The following PEMT variants were observed in gnomAD, a reference collection of about 807,000 sequenced individuals.
PEMT encodes phospholipid methyltransferase.
A neutral mutation model predicts 27.4 loss-of-function variants in PEMT; 23 were observed. That is an observed-to-expected ratio of 0.84 (90% CI 0.60 to 1.19). PEMT has a LOEUF of 1.19. Among genes scored for constraint, PEMT ranks in the 50% most tolerant of loss-of-function variants. PEMT has a pLI of 0.00. For missense variants in PEMT, 307 were observed against 310.1 expected, an observed-to-expected ratio of 0.99 and a Z score of 0.07; for synonymous variants, 137 against 139.1, an observed-to-expected ratio of 0.98 and a Z score of 0.11.
At chr17:17,545,936 C>T (rs980684091) in intron 2 of PEMT, among the ~76,000 whole-genome samples, 5 of 152,208 alleles carry the variant, frequency 3.3e-5, no homozygotes, top group Non-Finnish European at 5.9e-5. Context: ...CTTTCCTTGC[C>T]TGTCTCTTCC....
Position 17,505,761 on chromosome 17 carries a change from C to T in PEMT, c.*30G>A, listed in dbSNP as rs370372061. 9.4e-6 allele frequency: 15 copies of T among 1,595,660 alleles called. No homozygotes were observed. The African/African-American group carries it at 2.0e-4, about 21-fold the overall frequency. On this transcript the variant is annotated 3_prime_UTR_variant, in exon 7 of 7. Transcript: ENST00000255389. ...ACTTGGGGCAGGCCAGGAGGCTGGC[C>T]AGGCCTTCAGCAAAGCTGTTGCAGC...
At chr17:17,535,107 A>G (rs963875353) in intron 2 of PEMT, among the ~76,000 whole-genome samples, 1 of 151,532 alleles carries the variant, frequency 6.6e-6, no homozygotes, top group African/African-American at 2.4e-5. Flanking sequence ...GAGGGGTTTC[A>G]CCATGTTGGC....
intron 2 of PEMT, among the ~76,000 whole-genome samples, chr17:17,573,477 A>AG (rs914176834): frequency 1.3e-5 from 2 of 151,832 alleles, no homozygotes; most frequent in Non-Finnish European, 2.9e-5. Context: ...AAAAAAAAAA[A>AG]AAAAGAAAAA....
At chr17:17,508,804 C>T (rs529656292) in intron 5 of PEMT, 1 of 463,120 alleles carries the variant, frequency 2.2e-6, no homozygotes, top group Admixed American at 2.4e-5. Context: ...TGGCACGGGG[C>T]CCCCTCTGTG....
chr17:17,592,011 G>A (rs1415304805), upstream of PEMT: 20 of 985,358 alleles, frequency 2.0e-5, no homozygotes, highest in Non-Finnish European at 2.3e-5. Flanking sequence ...CTAGAGGCCG[G>A]GGGCCGCGGG....
intron 2 of PEMT, 44 bp downstream of exon 2, chr17:17,576,876 C>A (rs1911629187): frequency 2.0e-6 from 3 of 1,481,578 alleles, no homozygotes; most frequent in African/African-American, 1.4e-5. Flanking sequence ...GCTCACCAAG[C>A]AGTGAGATAC....
At chr17:17,543,674 T>C (rs1273228881) in intron 2 of PEMT, among the ~76,000 whole-genome samples, 1 of 152,196 alleles carries the variant, frequency 6.6e-6, no homozygotes, top group East Asian at 1.9e-4. Flanking sequence ...GTGATTCTCC[T>C]GCCTCAGCCT....
At chr17:17,552,951 C>CA (rs1909768941) in intron 2 of PEMT, among the ~76,000 whole-genome samples, 1 of 152,212 alleles carries the variant, frequency 6.6e-6, no homozygotes, top group Admixed American at 6.5e-5. Context: ...GAGGGCGGCC[C>CA]AGCGCCCCGT....
chr17:17,568,455 C>T (rs879517168), intron 2 of PEMT, among the ~76,000 whole-genome samples: 41 of 152,226 alleles, frequency 2.7e-4, no homozygotes, highest in African/African-American at 7.7e-4. Context: ...GGCAGGGTCC[C>T]GTCCCGGCAC....
rs1289162589 is a variant in PEMT, at chr17:17,515,368, G to A, written c.321-2714C>T. ...ATTCCTGATGAAGGGCAGATCCGGG[G>A]CCAGGGAGCGGGTGGGAGAGGCCCC... is the stretch of plus-strand genomic sequence containing the variant. On this transcript the variant is annotated intron_variant, in intron 3 of 6. Transcript: ENST00000255389. Among the ~76,000 whole-genome samples the A allele has an allele frequency of 3.3e-5, 5 of 152,222 alleles. No individual in the cohort carries two copies. In the East Asian group the frequency reaches 7.7e-4, roughly 23 times the overall value.
chr17:17,506,011 G>A (rs1055724163), intron 6 of PEMT, among the ~76,000 whole-genome samples, 163 bp from the exon 7 acceptor site: 1 of 152,164 alleles, frequency 6.6e-6, no homozygotes, highest in Non-Finnish European at 1.5e-5. Flanking sequence ...CCTTCAGAGC[G>A]CAGGCGGGAG....
chr17:17,532,962 G>C (rs1011860818), intron 2 of PEMT, among the ~76,000 whole-genome samples: 1 of 152,248 alleles, frequency 6.6e-6, no homozygotes, highest in Non-Finnish European at 1.5e-5. Flanking sequence ...GGGAGGCAGA[G>C]GTTGCAGTGA....
chr17:17,517,351 G>A (rs552391636), intron 3 of PEMT, among the ~76,000 whole-genome samples: 5 of 152,344 alleles, frequency 3.3e-5, no homozygotes, highest in South Asian at 2.1e-4. Flanking sequence ...TAAAAATTCT[G>A]GCCTGTTCTG....
intron 3 of PEMT, among the ~76,000 whole-genome samples, chr17:17,520,643 C>G (rs1006695985): frequency 6.6e-6 from 1 of 152,226 alleles, no homozygotes; most frequent in Non-Finnish European, 1.5e-5. Flanking sequence ...CCTTGCCCTC[C>G]GAGGGGTGAA....
chr17:17,510,542 A>G (rs1312722763), intron 4 of PEMT, among the ~76,000 whole-genome samples: 2 of 152,252 alleles, frequency 1.3e-5, no homozygotes, highest in Middle Eastern at 3.4e-3. Context: ...GGACCACTGG[A>G]AAGTTCTTTC....
chr17:17,518,679 C>T (rs900217415), intron 3 of PEMT, among the ~76,000 whole-genome samples: 2 of 152,226 alleles, frequency 1.3e-5, no homozygotes, highest in African/African-American at 4.8e-5. Flanking sequence ...GGCTCAAGCA[C>T]GTGCCTGTGT....
rs778381845 is a variant in PEMT at position 17,591,569 on chromosome 17, C to T, written c.58G>A (p.Asp20Asn). The T allele has an allele frequency of 1.9e-6, 3 of 1,613,714 alleles. No homozygotes were observed. The highest frequency in any genetic ancestry group is 2.2e-5 in the South Asian group (2 of 91,070). Residue 20 changes from aspartate to asparagine, a missense_variant, in exon 1 of 7, where the codon GAC becomes AAC. Asp to Asn is a conservative substitution (Grantham distance 23). Coordinates refer to ENST00000255389, the MANE Select transcript of PEMT (RefSeq NM_148172.3). ...EVTNSSVAGPDCCGGLGNIDF... is the reference protein window; with the variant it reads ...EVTNSSVAGPNCCGGLGNIDF... ...ATATTGCCGAGGCCTCCGCAGCAGT[C>T]AGGCCCTGCCACCGAGCTGTTCGTT...
chr17:17,517,014 G>T (rs550020477), intron 3 of PEMT, among the ~76,000 whole-genome samples: 11 of 152,314 alleles, frequency 7.2e-5, no homozygotes, highest in Middle Eastern at 3.4e-3. Context: ...TTCCAAAAGG[G>T]TCTAGAAGCC....
intron 1 of PEMT, among the ~76,000 whole-genome samples, chr17:17,578,933 ATTT>A (rs1000962525): frequency 4.6e-5 from 7 of 152,188 alleles, no homozygotes; most frequent in Non-Finnish European, 8.8e-5. Context: ...AATAATAAAA[ATTT>A]TTTTAAAAAA....
Sources: allele counts gnomAD v4.1 joint callset (sites outside exome capture counted in the v4.1 genomes callset), GRCh38; gene constraint gnomAD v4.1.1; transcripts MANE v1.5; gene names NCBI Gene and HGNC (gene_info 2026-07-23, HGNC 2026-07-21).